The following PKHD1 variants were observed in gnomAD, a reference collection of about 807,000 sequenced individuals.
PKHD1 encodes the protein fibrocystin.
Under a neutral mutation model 412.0 loss-of-function variants are expected in PKHD1, and 291 were observed. The ratio of observed to expected loss-of-function variants is 0.71; its 90% CI spans 0.64 to 0.78. The LOEUF (loss-of-function observed/expected upper bound fraction) is 0.78. Ranked by LOEUF, PKHD1 falls within the 30% of genes least tolerant of loss-of-function variation. The pLI, the probability that PKHD1 is intolerant of heterozygous loss-of-function variation, is 0.00. For missense variants in PKHD1, 4,825 were observed against 4,950.7 expected, an observed-to-expected ratio of 0.97 and a Z score of 0.76; for synonymous variants, 1,777 against 1,821.5, an observed-to-expected ratio of 0.98 and a Z score of 0.62.
chr6:51,634,534 A>G (rs1768295309), intron 64 of PKHD1, among the ~76,000 whole-genome samples: 1 of 152,198 alleles, frequency 6.6e-6, no homozygotes, highest in South Asian at 2.1e-4. Flanking sequence ...GGTCAAGTTG[A>G]TAAGTTACCA....
intron 27 of PKHD1, 96 bp downstream of exon 27, chr6:52,042,763 G>A (rs1805119589): frequency 1.8e-6 from 2 of 1,103,312 alleles, no homozygotes; most frequent in Admixed American, 3.5e-5. Flanking sequence ...GAGTCACAGT[G>A]AATATGGAAT....
chr6:51,847,240 C>A (rs1771332359), intron 50 of PKHD1, among the ~76,000 whole-genome samples: 1 of 150,622 alleles, frequency 6.6e-6, no homozygotes, highest in African/African-American at 2.5e-5. Context: ...GGACCACAGG[C>A]ACATGCCACC....
At chr6:51,973,660 G>T (rs2127998182) in intron 35 of PKHD1, among the ~76,000 whole-genome samples, 1 of 152,200 alleles carries the variant, frequency 6.6e-6, no homozygotes, top group Non-Finnish European at 1.5e-5. Context: ...GTTTATCAAA[G>T]ACCACAACAC....
Position 51,616,828 on chromosome 6 carries a change from G to T in PKHD1, c.*2253C>A. The T allele has an allele frequency of 2.5e-6, 1 of 394,540 alleles. No individual in the cohort carries two copies. Among genetic ancestry groups the T allele is most frequent in the South Asian group, 1.3e-4 (1 of 7,464 alleles). 24.4% of individuals were successfully genotyped at this position (394,540 alleles called of 1,614,324 possible). A position where few individuals can be genotyped will look rare whatever the true frequency, so the allele number is the denominator to read the frequency against. On this transcript the variant is annotated 3_prime_UTR_variant, in exon 67 of 67. Transcript: ENST00000371117. ...AGAAGATAATAAAAATTGGAAGAAG[G>T]GTAAAGAAGGGGCAGAAATAACAGA...
intron 14 of PKHD1, among the ~76,000 whole-genome samples, chr6:52,061,874 A>G (rs1808731411): frequency 6.6e-6 from 1 of 152,152 alleles, no homozygotes; most frequent in South Asian, 2.1e-4. Context: ...CAGTGTGTCT[A>G]AGCAATTTTC....
intron 46 of PKHD1, among the ~76,000 whole-genome samples, chr6:51,872,875 C>CTTTTTTTTTTTTTTTTT (rs33953182): frequency 1.2e-5 from 1 of 81,492 alleles, no homozygotes. Context: ...CCATCGTTTC[C>CTTTTTTTTTTTTTTTTT]TTTTTTTTTT....
intron 60 of PKHD1, among the ~76,000 whole-genome samples, chr6:51,697,850 T>C (rs907282939): frequency 2.6e-5 from 4 of 152,162 alleles, no homozygotes; most frequent in African/African-American, 7.2e-5. Flanking sequence ...ATTTGCAATA[T>C]GGCTTGTCTC....
At chr6:51,807,327 A>G (rs1429141695) in intron 52 of PKHD1, among the ~76,000 whole-genome samples, 2 of 151,056 alleles carry the variant, frequency 1.3e-5, no homozygotes, top group African/African-American at 4.9e-5. Flanking sequence ...AATCCCAGAT[A>G]CTTGGGAGGC....
chr6:51,735,763 G>A (rs576308047), intron 60 of PKHD1, among the ~76,000 whole-genome samples: 7 of 151,806 alleles, frequency 4.6e-5, no homozygotes, highest in South Asian at 4.2e-4. Context: ...TCATCTCTAC[G>A]AAAAATTTTT....
chr6:51,874,359 T>G (rs1450209170), intron 46 of PKHD1, among the ~76,000 whole-genome samples: 1 of 152,186 alleles, frequency 6.6e-6, no homozygotes, highest in Non-Finnish European at 1.5e-5. Flanking sequence ...GCACCCAAAC[T>G]AGGATATATC....
intron 55 of PKHD1, among the ~76,000 whole-genome samples, chr6:51,766,538 T>C (rs1015487724): frequency 6.6e-6 from 1 of 152,056 alleles, no homozygotes; most frequent in Non-Finnish European, 1.5e-5. Flanking sequence ...ATTTTTTCTA[T>C]ATGTTTATTA....
intron 34 of PKHD1, among the ~76,000 whole-genome samples, chr6:52,016,940 A>T (rs1261488183): frequency 3.3e-5 from 5 of 152,194 alleles, no homozygotes; most frequent in Non-Finnish European, 7.3e-5. Context: ...TAAATCCTAG[A>T]TCTACAGTAA....
intron 35 of PKHD1, among the ~76,000 whole-genome samples, chr6:52,009,936 G>A (rs527403678): frequency 2.0e-5 from 3 of 151,994 alleles, no homozygotes; most frequent in South Asian, 2.1e-4. Flanking sequence ...AGCTGAGGAC[G>A]GCTGAGTGAT....
chr6:51,906,543 ACAAT>A (rs978755187), intron 40 of PKHD1, among the ~76,000 whole-genome samples: 1 of 152,102 alleles, frequency 6.6e-6, no homozygotes, highest in African/African-American at 2.4e-5. Flanking sequence ...GTGAAATTCA[ACAAT>A]CAAGTGTTAG....
In PKHD1 at chr6:51,887,394, T is replaced by G. The variant is rs897769366; in HGVS notation, c.6997-149A>C. 2.4e-5 allele frequency: 16 copies of G among 679,052 alleles called. No homozygotes were observed. In the South Asian group the frequency reaches 2.6e-4, roughly 11 times the overall value. 42.1% of individuals were successfully genotyped at this position (679,052 alleles called of 1,614,324 possible). ...TCTATTATAGACTCATTTATTCTTT[T>G]TTTTTCCTTTTGGGAACAAAAATAG... On this transcript the variant is annotated intron_variant, in intron 43 of 66. Coordinates refer to ENST00000371117, the MANE Select transcript of PKHD1 (RefSeq NM_138694.4).
At chr6:51,800,649 C>A (rs1373396462) in intron 52 of PKHD1, among the ~76,000 whole-genome samples, 2 of 152,204 alleles carry the variant, frequency 1.3e-5, no homozygotes, top group Admixed American at 6.5e-5. Context: ...TGTCTAAATC[C>A]TGTAGAAATG....
intron 44 of PKHD1, among the ~76,000 whole-genome samples, chr6:51,886,758 TAAC>T (rs966243390): frequency 6.6e-6 from 1 of 152,202 alleles, no homozygotes; most frequent in African/African-American, 2.4e-5. Context: ...ACAGCAAAAT[TAAC>T]AATACTATAT....
chr6:51,784,183 C>T lies in PKHD1; in HGVS notation c.8440+7053G>A, dbSNP rs139448214. On this transcript the variant is annotated intron_variant, in intron 53 of 66. Coordinates refer to ENST00000371117, the MANE Select transcript of PKHD1 (RefSeq NM_138694.4). ...GTAATGGCAACATGAATGAGTAGCA[C>T]GGATCAGAAGGAAAGGTAACTGAAA... Among the ~76,000 whole-genome samples the T allele has an allele frequency of 2.4e-4, 37 of 152,178 alleles. No individual in the cohort carries two copies. The East Asian group carries it at 3.1e-3, about 13-fold the overall frequency.
chr6:52,085,663 A>C (rs1338156478), intron 1 of PKHD1, among the ~76,000 whole-genome samples: 3 of 152,188 alleles, frequency 2.0e-5, no homozygotes, highest in Non-Finnish European at 4.4e-5. Flanking sequence ...TGTGGCACAC[A>C]TAGGCCTCTT....
Sources: allele counts gnomAD v4.1 joint callset (sites outside exome capture counted in the v4.1 genomes callset), GRCh38; gene constraint gnomAD v4.1.1; transcripts MANE v1.5; gene names NCBI Gene and HGNC (gene_info 2026-07-23, HGNC 2026-07-21).